The following DHCR24 variants were observed in gnomAD, a reference collection of about 807,000 sequenced individuals.
DHCR24 encodes 24-dehydrocholesterol reductase, also known as delta(24)-sterol reductase.
In DHCR24, 28 loss-of-function variants were observed where a neutral mutation model predicts 61.2. The observed-to-expected ratio is 0.46, with a 90% CI of 0.34 to 0.63. The LOEUF is 0.63. Ranked by LOEUF, DHCR24 falls within the 20% of genes least tolerant of loss-of-function variation. The pLI is 0.01. For synonymous variants in DHCR24, 261 were observed against 275.9 expected, an observed-to-expected ratio of 0.95 and a Z score of 0.54; for missense variants, 538 against 679.1, an observed-to-expected ratio of 0.79 and a Z score of 2.31.
chr1:54,855,273 A>C (rs1186941065), intron 6 of DHCR24, among the ~76,000 whole-genome samples: 1 of 152,044 alleles, frequency 6.6e-6, no homozygotes, highest in African/African-American at 2.4e-5. Flanking sequence ...GGGCGCCTGT[A>C]GTCCCAGCTA....
At position 54,854,181 on chromosome 1, in the gene DHCR24, C is replaced by T. The variant is rs781505111; in HGVS notation, c.1074G>A (p.Met358Ile). 6.2e-7 allele frequency: 1 copy of T among 1,614,092 alleles called. No individual in the cohort carries two copies. The highest frequency in any genetic ancestry group is 8.5e-7 in the Non-Finnish European group (1 of 1,180,002). Residue 358 changes from methionine to isoleucine, a missense_variant, in exon 7 of 9, where the codon ATG becomes ATA. Met to Ile is a conservative substitution (Grantham distance 10, BLOSUM62 1). Coordinates refer to ENST00000371269, the MANE Select transcript of DHCR24 (RefSeq NM_014762.4). ...NPIFRYLFGW[M>I]VPPKISLLKL... The stretch of plus-strand genomic sequence containing the variant: ...TCAGGAGGGAGATCTTGGGAGGCAC[C>T]ATCCAGCCAAAGAGGTAGCGGAAGA...
At chr1:54,874,839 A>C (rs1384892106) in intron 4 of DHCR24, among the ~76,000 whole-genome samples, 3 of 149,936 alleles carry the variant, frequency 2.0e-5, no homozygotes, top group Non-Finnish European at 1.5e-5. Flanking sequence ...ATTTAATAAT[A>C]ATCTATAAAA....
At chr1:54,877,526 C>T (rs1302014909) in intron 2 of DHCR24, among the ~76,000 whole-genome samples, 2 of 151,608 alleles carry the variant, frequency 1.3e-5, no homozygotes, top group African/African-American at 4.8e-5. Flanking sequence ...AGCTCTGAGG[C>T]GGGAGGACTG....
rs1302286720 is a variant in DHCR24 at position 54,875,221 on chromosome 1, C to T, written c.494-10G>A. ...CCCATGATCAAGCCCCCTGCAGAGACATCACACACAGTGTCAGCAGGGAGA... is the reference window on the plus strand; with the variant it reads ...CCCATGATCAAGCCCCCTGCAGAGATATCACACACAGTGTCAGCAGGGAGA... On this transcript the variant is annotated splice_polypyrimidine_tract_variant and intron_variant, in intron 3 of 8. Coordinates refer to ENST00000371269, the MANE Select transcript of DHCR24 (RefSeq NM_014762.4). The T allele has an allele frequency of 1.9e-6, 3 of 1,613,254 alleles. No homozygotes were observed. The highest frequency in any genetic ancestry group is 1.3e-5 in the African/African-American group (1 of 74,888).
chr1:54,887,064 C>CGGCG lies in DHCR24; in HGVS notation c.55_56insCGCC (p.Arg19ProfsTer69), dbSNP rs1557442256. ...GAGCACGAACTCCAGCCCCTTCAGGCGCACCCACAGCAGGAAGAGCAGCGC... is the reference window on the plus strand; with the variant it reads ...GAGCACGAACTCCAGCCCCTTCAGGCGGCGGCACCCACAGCAGGAAGAGCAGCGC... On this transcript the variant is annotated frameshift_variant, in exon 1 of 9. Coordinates refer to ENST00000371269, the MANE Select transcript of DHCR24 (RefSeq NM_014762.4). LOFTEE classifies it high-confidence loss of function. The CGGCG allele has an allele frequency of 1.9e-6, 3 of 1,610,908 alleles. No homozygotes were observed. Among genetic ancestry groups the CGGCG allele is most frequent in the Admixed American group, 3.4e-5 (2 of 59,502 alleles).
intron 5 of DHCR24, among the ~76,000 whole-genome samples, chr1:54,870,627 A>G (rs1051428493): frequency 1.3e-5 from 2 of 152,264 alleles, no homozygotes; most frequent in Admixed American, 6.5e-5. Context: ...CAAGAAAAAA[A>G]GTCTGTCCAT....
rs1159927398 is a variant in DHCR24 at position 54,871,394 on chromosome 1, C to T, written c.832G>A (p.Val278Ile). Reference protein sequence around the residue: ...EGLLYSLDEAVIMTGVMTDEA... With the variant: ...EGLLYSLDEAIIMTGVMTDEA... ...TCTGTCATGACCCCTGTCATAATGACAGCCTCATCCAGGGAGTAGAGCAGC... is the reference window on the plus strand; with the variant it reads ...TCTGTCATGACCCCTGTCATAATGATAGCCTCATCCAGGGAGTAGAGCAGC... The change falls in exon 5 of 9, where the codon GTC becomes ATC. Residue 278 changes from valine (V) to isoleucine (I), a missense_variant. Val to Ile is a conservative substitution (Grantham distance 29). Coordinates refer to ENST00000371269, the MANE Select transcript of DHCR24 (RefSeq NM_014762.4). 1.2e-6 allele frequency: 2 copies of T among 1,614,196 alleles called. No homozygotes were observed. Among genetic ancestry groups the T allele is most frequent in the East Asian group, 2.2e-5 (1 of 44,876 alleles).
Position 54,853,577 on chromosome 1 carries a change from G to A in DHCR24, c.1254C>T (p.Pro418=). ...YPIWLCPFIL[P]SQPGLVHPKG... ...TGGGGTGCACTAGGCCTGGCTGGCT[G>A]GGCAGGATGAACGGACACAGCCAGA... is the stretch of plus-strand genomic sequence containing the variant. Residue 418 remains proline (P), a synonymous_variant, in exon 8 of 9, where the codon CCC becomes CCT. Coordinates refer to ENST00000371269, the MANE Select transcript of DHCR24 (RefSeq NM_014762.4). The A allele has an allele frequency of 6.2e-7, 1 of 1,614,052 alleles. No homozygotes were observed. Among genetic ancestry groups the A allele is most frequent in the Non-Finnish European group, 8.5e-7 (1 of 1,180,000 alleles).
chr1:54,876,371 T>C lies in DHCR24; in HGVS notation c.388-324A>G, dbSNP rs190728052. On this transcript the variant is annotated intron_variant, in intron 2 of 8. Coordinates refer to ENST00000371269, the MANE Select transcript of DHCR24 (RefSeq NM_014762.4). ...AGAAGAAAACAAAAATCACCCATCC[T>C]GGCTGGTCGTGGTGACTCATGTCTG... 3.3e-3 allele frequency among the ~76,000 whole-genome samples: 501 copies of C among 152,318 alleles called. 3 individuals are homozygous for C. The highest frequency in any genetic ancestry group is 0.012 in the African/African-American group (481 of 41,568).
rs765469059 is a variant in DHCR24 at position 54,886,729 on chromosome 1, A to G, written c.231+160T>C. ...TGTTCTGTTCCCCCGCCCCCATCACATTTTTGTTTCGTTCCAACCCCTCTC... is the reference window on the plus strand; with the variant it reads ...TGTTCTGTTCCCCCGCCCCCATCACGTTTTTGTTTCGTTCCAACCCCTCTC... On this transcript the variant is annotated intron_variant, in intron 1 of 8. Coordinates refer to ENST00000371269, the MANE Select transcript of DHCR24 (RefSeq NM_014762.4). 5.2e-6 allele frequency: 6 copies of G among 1,147,870 alleles called. No homozygotes were observed. The South Asian group carries it at 8.8e-5, about 17-fold the overall frequency. 71.1% of individuals were successfully genotyped at this position (1,147,870 alleles called of 1,614,324 possible). A position where few individuals can be genotyped will look rare whatever the true frequency, so the allele number is the denominator to read the frequency against.
Position 54,850,285 on chromosome 1 carries a change from C to T in DHCR24, c.*1948G>A, listed in dbSNP as rs1290519798. ...AAACAATGGCACTGTTTAACTAGCT[C>T]GTGTTAACCATTCATCTACAGCAAG... On this transcript the variant is annotated 3_prime_UTR_variant, in exon 9 of 9. Transcript: ENST00000371269. The T allele has an allele frequency of 6.6e-6, 1 of 152,218 alleles. No homozygotes were observed. The highest frequency in any genetic ancestry group is 1.5e-5 in the Non-Finnish European group (1 of 68,052). The allele number at this position is 152,218 out of a possible 1,614,324, so 9.4% of individuals were successfully genotyped here. A position where few individuals can be genotyped will look rare whatever the true frequency, so the allele number is the denominator to read the frequency against.
chr1:54,876,111 G>T, intron 2 of DHCR24, 64 bp from the exon 3 acceptor site: 1 of 1,268,668 alleles, frequency 7.9e-7, no homozygotes, highest in Non-Finnish European at 1.2e-6. Context: ...GGGAGCTGCT[G>T]CACACAGAAG....
chr1:54,870,086 G>T (rs376145478), intron 5 of DHCR24, among the ~76,000 whole-genome samples: 2 of 151,788 alleles, frequency 1.3e-5, no homozygotes, highest in Non-Finnish European at 2.9e-5. Context: ...ACTGGACATG[G>T]TGGCACACGC....
At chr1:54,856,517 G>A (rs1277971272) in intron 6 of DHCR24, among the ~76,000 whole-genome samples, 1 of 152,034 alleles carries the variant, frequency 6.6e-6, no homozygotes. Flanking sequence ...AAGGAGAATC[G>A]TTTGAAGCGG....
chr1:54,853,403 G>A, intron 8 of DHCR24, 31 bp downstream of exon 8: 2 of 1,613,858 alleles, frequency 1.2e-6, no homozygotes, highest in Non-Finnish European at 1.7e-6. Context: ...CTGTCAGCTA[G>A]AGGCAACATA....
rs573285056 is a variant in DHCR24 at position 54,879,352 on chromosome 1, A to AAAAAAAG, written c.388-3306_388-3305insCTTTTTT. 5.1e-3 allele frequency among the ~76,000 whole-genome samples: 657 copies of AAAAAAAG among 128,166 alleles called. 30 individuals are homozygous for AAAAAAAG. The highest frequency in any genetic ancestry group is 0.01 in the Admixed American group (120 of 11,958). The allele number at this position is 128,166 out of a possible 152,430, so 84.1% of individuals were successfully genotyped here. A position where few individuals can be genotyped will look rare whatever the true frequency, so the allele number is the denominator to read the frequency against. On this transcript the variant is annotated intron_variant, in intron 2 of 8. Coordinates refer to ENST00000371269, the MANE Select transcript of DHCR24 (RefSeq NM_014762.4). Reference sequence around the variant, plus strand: ...AAAAAAAAAAAAAAAAAAAAAAAAAATCCAAATCAAACTTCTGGAAATGAA... The same window carrying AAAAAAAG: ...AAAAAAAAAAAAAAAAAAAAAAAAAAAAAAAAGTCCAAATCAAACTTCTGGAAATGAA...
chr1:54,871,265 AGGGTCAGGATACGGGAACC>A, intron 5 of DHCR24, 66 bp downstream of exon 5: 3 of 1,557,768 alleles, frequency 1.9e-6, no homozygotes, highest in Non-Finnish European at 2.6e-6. Context: ...GGTGGCTGCC[AGGGTCAGGATACGGGAACC>A]GGCTCAGTCC....
rs1320731564 is a variant in DHCR24, at chr1:54,852,279, G to C, written c.1505C>G (p.Ala502Gly). 1.2e-6 allele frequency: 2 copies of C among 1,614,224 alleles called. No homozygotes were observed. The highest frequency in any genetic ancestry group is 2.2e-5 in the South Asian group (2 of 91,086). The change falls in exon 9 of 9, where the codon GCC becomes GGC. Residue 502 changes from alanine (A) to glycine (G), a missense_variant. Transcript: ENST00000371269. ...KLREKLGCQD[A>G]FPEVYDKICK... ...GATCTTGTCGTACACCTCGGGGAAG[G>C]CGTCCTGGCAACCCAGCTTCTCTCG...
intron 2 of DHCR24, among the ~76,000 whole-genome samples, chr1:54,880,779 T>TAAGC (rs1647059933): frequency 6.7e-6 from 1 of 150,364 alleles, no homozygotes; most frequent in Admixed American, 6.6e-5. Context: ...AACAAAAATA[T>TAAGC]AAACAAACAA....
Sources: gnomAD v4.1 joint callset for allele counts (sites outside exome capture counted in the v4.1 genomes callset) on GRCh38, gnomAD v4.1.1 for gene constraint, MANE v1.5 for transcripts, NCBI Gene and HGNC (gene_info 2026-07-23, HGNC 2026-07-21) for gene names.